The following USP9X variants were observed in gnomAD, a reference collection of about 807,000 sequenced individuals.
USP9X encodes ubiquitin carboxyl-terminal hydrolase 9X.
USP9X carries 7 observed loss-of-function variants against 190.3 expected under a neutral mutation model. The ratio of observed to expected loss-of-function variants is 0.04; its 90% CI spans 0.02 to 0.07. The LOEUF is 0.07. Among genes scored for constraint, USP9X ranks in the 10% least tolerant of loss-of-function variants. The probability of loss-of-function intolerance (pLI) is 1.00; values close to 1 mark genes in which losing one functional copy is unlikely to be tolerated. For missense variants in USP9X, 1,010 were observed against 1,916.9 expected (o/e 0.53, Z 8.83); for synonymous variants, 645 against 659.5 (o/e 0.98, Z 0.34).
rs778475668 is a variant in USP9X at position 41,171,125 on chromosome X, C to T, written c.3027+506C>T. ...GTTCAAACTTGTGTTGTTCAAGAGT[C>T]AGCTGTATCACTTTCTAAAATTTAT... On this transcript the variant is annotated intron_variant, in intron 20 of 44. Transcript: ENST00000378308. Among the ~76,000 whole-genome samples the T allele has an allele frequency of 8.0e-5, 9 of 111,925 alleles. No individual in the cohort carries two copies. The East Asian group carries it at 1.4e-3, about 17-fold the overall frequency.
chrX:41,210,771 T>A, intron 33 of USP9X, 89 bp downstream of exon 33: 2 of 908,721 alleles, frequency 2.2e-6, no homozygotes, highest in Middle Eastern at 4.2e-4. Context: ...CATACAAAAG[T>A]GGAGTATATC....
intron 30 of USP9X, among the ~76,000 whole-genome samples, chrX:41,199,545 GGCGCCT>G (rs2063022114): frequency 9.0e-6 from 1 of 111,321 alleles, no homozygotes; most frequent in Non-Finnish European, 1.9e-5. Context: ...TGGGCTTACA[GGCGCCT>G]GCCACCATGC....
chrX:41,206,417 A>G (rs1322446814), intron 32 of USP9X, among the ~76,000 whole-genome samples: 1 of 112,072 alleles, frequency 8.9e-6, no homozygotes, highest in Non-Finnish European at 1.9e-5. Flanking sequence ...AGGTCCATTT[A>G]CCACAAATGG....
At chrX:41,158,316 A>G (rs1215552536) in intron 14 of USP9X, among the ~76,000 whole-genome samples, 3 of 111,386 alleles carry the variant, frequency 2.7e-5, no homozygotes, top group African/African-American at 9.8e-5. Context: ...AGAGAGAACA[A>G]TTGGAAGGTG....
intron 21 of USP9X, among the ~76,000 whole-genome samples, chrX:41,177,191 A>G (rs922245620): frequency 1.8e-5 from 2 of 112,489 alleles, no homozygotes; most frequent in African/African-American, 3.2e-5. Context: ...ATACAGTAAT[A>G]TCATCTAATC....
chrX:41,107,168 G>A (rs2062076494), intron 1 of USP9X, among the ~76,000 whole-genome samples: 1 of 111,010 alleles, frequency 9.0e-6, no homozygotes, highest in African/African-American at 3.3e-5. Context: ...ACAGACGTGA[G>A]CCACTGCGCC....
At chrX:41,100,318 C>T (rs1392679449) in intron 1 of USP9X, among the ~76,000 whole-genome samples, 1 of 112,028 alleles carries the variant, frequency 8.9e-6, no homozygotes, top group Non-Finnish European at 1.9e-5. Flanking sequence ...GTAGATATTA[C>T]TGTCTCTGTT....
At chrX:41,174,737 A>G (rs2062758203) in intron 21 of USP9X, among the ~76,000 whole-genome samples, 1 of 111,950 alleles carries the variant, frequency 8.9e-6, no homozygotes, top group Non-Finnish European at 1.9e-5. Flanking sequence ...ACTCATGCCT[A>G]TCATCCCATC....
intron 14 of USP9X, among the ~76,000 whole-genome samples, chrX:41,158,732 G>C (rs2062601281): frequency 9.0e-6 from 1 of 111,286 alleles, no homozygotes; most frequent in African/African-American, 3.3e-5. Flanking sequence ...CCACGGACTG[G>C]GGGGTGGGGG....
At chrX:41,191,666 C>T (rs771563957) in intron 26 of USP9X, among the ~76,000 whole-genome samples, 6 of 111,722 alleles carry the variant, frequency 5.4e-5, no homozygotes, top group Non-Finnish European at 9.4e-5. Context: ...AATTATAATC[C>T]ACCAGCAAAT....
At chrX:41,186,460 T>A in intron 23 of USP9X, 57 bp from the exon 24 acceptor site, 1 of 1,170,238 alleles carries the variant, frequency 8.5e-7, no homozygotes, top group Non-Finnish European at 1.2e-6. Flanking sequence ...GAGCAATTGG[T>A]TAGGTCTGGT....
intron 1 of USP9X, among the ~76,000 whole-genome samples, chrX:41,120,521 A>G (rs2062181931): frequency 9.0e-6 from 1 of 111,394 alleles, no homozygotes; most frequent in African/African-American, 3.3e-5. Context: ...TGTGTGTGAC[A>G]GAGTCTCGCT....
chrX:41,125,718 T>TCTCTCGCGCGCG (rs1176200100), intron 2 of USP9X, among the ~76,000 whole-genome samples: 13 of 99,178 alleles, frequency 1.3e-4, no homozygotes, highest in African/African-American at 5.3e-4. Context: ...TCTCTCTCTC[T>TCTCTCGCGCGCG]CGCGCACGCG....
chrX:41,185,334 A>G (rs887456769), intron 23 of USP9X, among the ~76,000 whole-genome samples: 9 of 111,903 alleles, frequency 8.0e-5, no homozygotes, highest in African/African-American at 2.9e-4. Context: ...TGTTTTAGCT[A>G]TGATAATACT....
intron 1 of USP9X, among the ~76,000 whole-genome samples, chrX:41,101,470 C>G (rs1302487627): frequency 9.1e-6 from 1 of 110,154 alleles, no homozygotes; most frequent in Non-Finnish European, 1.9e-5. Flanking sequence ...GCCCGTAGTC[C>G]CAGGTACTTA....
intron 34 of USP9X, among the ~76,000 whole-genome samples, chrX:41,215,083 C>T (rs1033224548): frequency 1.8e-5 from 2 of 111,791 alleles, no homozygotes; most frequent in Admixed American, 1.9e-4. Flanking sequence ...CTGTCATGTC[C>T]AGGATTACTT....
chrX:41,169,859 T>C lies in USP9X; in HGVS notation c.2637-136T>C, dbSNP rs1469164207. On this transcript the variant is annotated intron_variant, in intron 18 of 44. Transcript: ENST00000378308. ...TTTCATATAAGGGATTCTCAAGCTG[T>C]ATTAAGTATCTTTAATTCACATCCT... The C allele has an allele frequency of 6.3e-5, 53 of 840,226 alleles. No individual in the cohort carries two copies. The Admixed American group carries it at 1.5e-3, about 23-fold the overall frequency. The allele number at this position is 840,226 out of a possible 1,213,427, so 69.2% of individuals were successfully genotyped here.
intron 23 of USP9X, among the ~76,000 whole-genome samples, chrX:41,185,562 T>C (rs1390275405): frequency 1.8e-5 from 2 of 111,615 alleles, no homozygotes; most frequent in African/African-American, 6.5e-5. Flanking sequence ...TATACTACTT[T>C]CGACACTTTG....
intron 1 of USP9X, among the ~76,000 whole-genome samples, chrX:41,118,794 C>T (rs1314855976): frequency 8.9e-6 from 1 of 111,816 alleles, no homozygotes; most frequent in Non-Finnish European, 1.9e-5. Context: ...GAATTCTAGA[C>T]GTGTAGAGCC....
Sources: allele counts gnomAD v4.1 joint callset (sites outside exome capture counted in the v4.1 genomes callset), GRCh38; gene constraint gnomAD v4.1.1; transcripts MANE v1.5; gene names NCBI Gene and HGNC (gene_info 2026-07-23, HGNC 2026-07-21).